The following AKR7A2 variants were observed in gnomAD, a reference collection of about 807,000 sequenced individuals.
The protein encoded by AKR7A2 is aldo-keto reductase family 7 member A2, also known as aflatoxin B1 aldehyde reductase member 2.
In AKR7A2, 29 loss-of-function variants were observed where a neutral mutation model predicts 37.3. That is an observed-to-expected ratio of 0.78 (90% CI 0.58 to 1.06). AKR7A2 has a LOEUF of 1.06. Among genes scored for constraint, AKR7A2 ranks in the 50% least tolerant of loss-of-function variants. The pLI is 0.00. For missense variants in AKR7A2, 529 were observed against 497.9 expected (o/e 1.06, Z -0.59); for synonymous variants, 228 against 217.8 (o/e 1.05, Z -0.41).
Position 19,312,024 on chromosome 1 carries a change from G to GGTGGCC in AKR7A2, c.95_100dup (p.Arg32_Pro33dup), listed in dbSNP as rs1358499738. 6.9e-7 allele frequency: 1 copy of GGTGGCC among 1,450,544 alleles called. No individual in the cohort carries two copies. The highest frequency in any genetic ancestry group is 9.0e-7 in the Non-Finnish European group (1 of 1,106,842). The allele number at this position is 1,450,544 out of a possible 1,614,324, so 89.9% of individuals were successfully genotyped here. A position where few individuals can be genotyped will look rare whatever the true frequency, so the allele number is the denominator to read the frequency against. On this transcript the variant is annotated inframe_insertion, in exon 1 of 7. Transcript: ENST00000235835. Reference sequence around the variant, plus strand: ...CAGCACCGAGGCGACCCGCGGTGGCGGTGGCCGGGACATGGCGAGCGCGCG... The same window carrying GGTGGCC: ...CAGCACCGAGGCGACCCGCGGTGGCGGTGGCCGTGGCCGGGACATGGCGAGCGCGCG...
chr1:19,302,904 G>A (rs146176207), downstream of AKR7A2, among the ~76,000 whole-genome samples: 947 of 152,160 alleles, frequency 6.2e-3, 8 homozygotes, highest in African/African-American at 0.021. Context: ...TGTTGCCCAG[G>A]CTGGTCTCAA....
Position 19,307,270 on chromosome 1 carries a change from G to T in AKR7A2, c.688+44C>A, listed in dbSNP as rs376469810. The T allele has an allele frequency of 6.8e-6, 11 of 1,611,390 alleles. No homozygotes were observed. The African/African-American group carries it at 1.5e-4, about 22-fold the overall frequency. On this transcript the variant is annotated intron_variant, in intron 4 of 6. Transcript: ENST00000235835. ...CATAAATTCTGGGCTGGGCATCTGT[G>T]GGTCAGGAATAGGCTGAGACAGGGT...
rs1021273090 is a variant in AKR7A2, at chr1:19,308,600, A to G, written c.341T>C (p.Leu114Pro). The change falls in exon 2 of 7, where the codon CTA becomes CCA. Residue 114 changes from leucine (L) to proline (P), a missense_variant. By Grantham distance (98) the Leu-to-Pro change is moderately conservative. Coordinates refer to ENST00000235835, the MANE Select transcript of AKR7A2 (RefSeq NM_003689.4). ...CTGGGACCGGACACTGTCAGGCTTT[A>G]GTGATTTTCCATCCCAAGGGTTGGC... Reference protein sequence around the residue: ...TKANPWDGKSLKPDSVRSQLE... With the variant: ...TKANPWDGKSPKPDSVRSQLE... The G allele has an allele frequency of 1.9e-6, 3 of 1,614,026 alleles. No individual in the cohort carries two copies. In the African/African-American group the frequency reaches 4.0e-5, roughly 22 times the overall value.
Position 19,307,378 on chromosome 1 carries a change from T to C in AKR7A2, c.624A>G (p.Glu208=). The change falls in exon 4 of 7, where the codon GAA becomes GAG. Residue 208 remains glutamate (E), a synonymous_variant. Transcript: ENST00000235835. ...GCCTGAGGCAGGGGAAGAGCTCCGT[T>C]TCCACCTGCCGGGTGGTGGCGTTGT... is the stretch of plus-strand genomic sequence containing the variant. ...GMYNATTRQV[E]TELFPCLRHF... is the part of the protein sequence containing the mutation. The C allele has an allele frequency of 6.2e-7, 1 of 1,614,076 alleles. No homozygotes were observed.
rs771092024 is a variant in AKR7A2 at position 19,307,031 on chromosome 1, C to G, written c.759G>C (p.Gly253=). The change falls in exon 5 of 7, where the codon GGG becomes GGC. Residue 253 remains glycine, a synonymous_variant. Transcript: ENST00000235835. ...DGKQPVGRFF[G]NSWAETYRNR... is the part of the protein sequence containing the mutation. The stretch of plus-strand genomic sequence containing the variant: ...TCCTGTAGGTCTCAGCCCAGCTATT[C>G]CCAAAGAAGCGGCCCACAGGCTGTT... 3.7e-6 allele frequency: 6 copies of G among 1,614,176 alleles called. No individual in the cohort carries two copies. The highest frequency in any genetic ancestry group is 5.1e-6 in the Non-Finnish European group (6 of 1,180,024).
At chr1:19,307,612 G>A in intron 3 of AKR7A2, 1 of 640,626 alleles carries the variant, frequency 1.6e-6, no homozygotes. Context: ...ACAAATATCT[G>A]CTGTATGAAC....
At chr1:19,308,091 G>T (rs779593937) in intron 3 of AKR7A2, 67 bp downstream of exon 3, 1 of 1,596,776 alleles carries the variant, frequency 6.3e-7, no homozygotes, top group East Asian at 2.2e-5. Context: ...GGCAGTCAGG[G>T]GGGCAAAGAG....
Position 19,304,272 on chromosome 1 carries a change from G to A in AKR7A2, c.1033C>T (p.Gln345Ter), listed in dbSNP as rs201973092. 2.7e-5 allele frequency: 43 copies of A among 1,613,990 alleles called. 1 individual carries two copies. The highest frequency in any genetic ancestry group is 6.8e-6 in the Non-Finnish European group (8 of 1,180,040). The change falls in exon 7 of 7, where the codon CAA becomes TAA. Residue 345 changes from glutamine to a stop codon, truncating the protein, a stop_gained. Coordinates refer to ENST00000235835, the MANE Select transcript of AKR7A2 (RefSeq NM_003689.4). LOFTEE classifies it high-confidence loss of function. ...TCGTGAGCAACCAAATGCCAGGCTT[G>A]ATTAAAGGCATCCACGACAGCCGGC... ...LEPAVVDAFN[Q>*]AWHLVAHECP...
Position 19,308,547 on chromosome 1 carries a change from A to C in AKR7A2, c.394T>G (p.Cys132Gly). Residue 132 changes from cysteine to glycine, a missense_variant, in exon 2 of 7, where the codon TGT becomes GGT. Cys to Gly is a radical substitution (Grantham distance 159). Transcript: ENST00000235835. ...AGGTAGAAGAGGTCCACTTGGGGAC[A>C]CTGCAGCCTCTTCAATGACGTCTCC... ...QLETSLKRLQ[C>G]PQVDLFYLHA... The C allele has an allele frequency of 6.2e-7, 1 of 1,614,192 alleles. No homozygotes were observed. The highest frequency in any genetic ancestry group is 8.5e-7 in the Non-Finnish European group (1 of 1,180,024).
At chr1:19,311,456 G>C (rs1000538528) in intron 1 of AKR7A2, among the ~76,000 whole-genome samples, 2 of 152,222 alleles carry the variant, frequency 1.3e-5, no homozygotes, top group African/African-American at 2.4e-5. Flanking sequence ...AGGGTGCCCA[G>C]GGTGTGCATG....
intron 1 of AKR7A2, among the ~76,000 whole-genome samples, chr1:19,309,163 G>A (rs1198722789): frequency 6.6e-6 from 1 of 152,220 alleles, no homozygotes; most frequent in Non-Finnish European, 1.5e-5. Flanking sequence ...CACTATGTGA[G>A]GCTCCAAACC....
chr1:19,308,556 T>C lies in AKR7A2; in HGVS notation c.385A>G (p.Arg129Gly), dbSNP rs761292321. 1.2e-6 allele frequency: 2 copies of C among 1,614,178 alleles called. No homozygotes were observed. Among genetic ancestry groups the C allele is most frequent in the Non-Finnish European group, 1.7e-6 (2 of 1,180,032 alleles). ...VRSQLETSLK[R>G]LQCPQVDLFY... ...AGGTCCACTTGGGGACACTGCAGCC[T>C]CTTCAATGACGTCTCCAGCTGGGAC... Residue 129 changes from arginine to glycine, a missense_variant, in exon 2 of 7, where the codon AGG becomes GGG. Transcript: ENST00000235835.
chr1:19,309,291 C>T (rs1569695623), intron 1 of AKR7A2, among the ~76,000 whole-genome samples: 1 of 152,198 alleles, frequency 6.6e-6, no homozygotes, highest in East Asian at 1.9e-4. Context: ...TGAATCTGAA[C>T]TTGATCATTC....
intron 3 of AKR7A2, chr1:19,307,651 A>G (rs2093764179): frequency 8.5e-6 from 5 of 587,628 alleles, no homozygotes; most frequent in Admixed American, 3.0e-5. Flanking sequence ...TACAACCACA[A>G]GTAGGTATCA....
At position 19,308,112 on chromosome 1, in the gene AKR7A2, T is replaced by A. The variant is rs374327890; in HGVS notation, c.591+46A>T. 5 of 1,612,002 alleles carry A rather than the reference T, an allele frequency of 3.1e-6. No homozygotes were observed. In the East Asian group the frequency reaches 1.1e-4, roughly 36 times the overall value. On this transcript the variant is annotated intron_variant, in intron 3 of 6. Transcript: ENST00000235835. Reference sequence around the variant, plus strand: ...CAGGGGGGCAAAGAGAGCCCAGGATTAGCAGGAGTCCTGGAGACCTTGGCC... The same window carrying A: ...CAGGGGGGCAAAGAGAGCCCAGGATAAGCAGGAGTCCTGGAGACCTTGGCC...
intron 1 of AKR7A2, among the ~76,000 whole-genome samples, chr1:19,311,486 G>A (rs1338144254): frequency 6.6e-6 from 1 of 152,226 alleles, no homozygotes; most frequent in Non-Finnish European, 1.5e-5. Flanking sequence ...GGTAACGAAG[G>A]GGTAGAGAAA....
At chr1:19,310,500 C>G (rs4912068) in intron 1 of AKR7A2, among the ~76,000 whole-genome samples, 20,451 of 152,028 alleles carry the variant, frequency 0.13, 1,641 homozygotes, top group East Asian at 0.25. Context: ...GAGTTGAAGA[C>G]CAGCCTGGCC....
At chr1:19,306,891 A>T in intron 5 of AKR7A2, 111 bp downstream of exon 5, 3 of 931,560 alleles carry the variant, frequency 3.2e-6, no homozygotes, top group South Asian at 1.3e-5. Flanking sequence ...AATGCAGGGG[A>T]GGAGATGCAA....
intron 1 of AKR7A2, among the ~76,000 whole-genome samples, chr1:19,310,281 C>T (rs1246437856): frequency 1.3e-5 from 2 of 152,174 alleles, no homozygotes; most frequent in Non-Finnish European, 2.9e-5. Context: ...GCATTCTTGG[C>T]ATGAACTGTG....
Sources: gnomAD v4.1 joint callset for allele counts (sites outside exome capture counted in the v4.1 genomes callset) on GRCh38, gnomAD v4.1.1 for gene constraint, MANE v1.5 for transcripts, NCBI Gene and HGNC (gene_info 2026-07-23, HGNC 2026-07-21) for gene names.